The following REV1 variants were observed in gnomAD, a reference collection of about 807,000 sequenced individuals.
The protein encoded by REV1 is translesion synthesis protein REV1.
In REV1, 42 loss-of-function variants were observed where a neutral mutation model predicts 137.4. The observed-to-expected ratio is 0.31, with a 90% confidence interval of 0.24 to 0.40. The LOEUF is 0.40. REV1 is among the 10% of genes least tolerant of loss of function. The pLI is 1.00. For missense variants in REV1, 1,282 were observed against 1,490.1 expected, an observed-to-expected ratio of 0.86 and a Z score of 2.30; for synonymous variants, 524 against 519.2, an observed-to-expected ratio of 1.01 and a Z score of -0.12.
intron 9 of REV1, among the ~76,000 whole-genome samples, chr2:99,428,865 A>G (rs1276749213): frequency 2.0e-5 from 3 of 151,870 alleles, no homozygotes; most frequent in African/African-American, 4.8e-5. Context: ...GGTGGCGAGC[A>G]CCTGTAGTCC....
intron 7 of REV1, among the ~76,000 whole-genome samples, chr2:99,435,228 A>G (rs1051404064): frequency 4.6e-5 from 7 of 152,198 alleles, no homozygotes; most frequent in Admixed American, 1.3e-4. Flanking sequence ...TCCTTATTTA[A>G]GGGAAGAATT....
intron 8 of REV1, 44 bp from the exon 9 acceptor site, chr2:99,429,992 A>AT (rs981460433): frequency 8.4e-7 from 1 of 1,190,916 alleles, no homozygotes; most frequent in African/African-American, 1.6e-5. Flanking sequence ...TTATAAACTG[A>AT]TTTTCCCTCA....
intron 4 of REV1, among the ~76,000 whole-genome samples, chr2:99,448,747 A>AG (rs1682535303): frequency 1.3e-5 from 2 of 152,174 alleles, no homozygotes; most frequent in South Asian, 4.1e-4. Flanking sequence ...AACACTGCCT[A>AG]GTCTTTAAGA....
intron 2 of REV1, among the ~76,000 whole-genome samples, chr2:99,463,734 C>G (rs1258391167): frequency 6.6e-6 from 1 of 152,078 alleles, no homozygotes; most frequent in Non-Finnish European, 1.5e-5. Flanking sequence ...AAGCAATTCT[C>G]CTGCCTCAGT....
At chr2:99,473,303 G>A (rs905405209) in intron 1 of REV1, among the ~76,000 whole-genome samples, 5 of 151,066 alleles carry the variant, frequency 3.3e-5, no homozygotes, top group Non-Finnish European at 5.9e-5. Flanking sequence ...AGGAGGCAGA[G>A]GTTGCAGTGA....
In REV1 at chr2:99,429,966, A is replaced by T. The variant is rs761612908; in HGVS notation, c.1439-18T>A. ...TATATCTGCTTTAAAAATAAAAAAA[A>T]ATTAATGGTTATATGTTATAAACTG... On this transcript the variant is annotated intron_variant, in intron 8 of 22. Transcript: ENST00000258428. The T allele has an allele frequency of 2.7e-6, 4 of 1,463,810 alleles. No individual in the cohort carries two copies. The highest frequency in any genetic ancestry group is 3.7e-6 in the Non-Finnish European group (4 of 1,072,948). The allele number at this position is 1,463,810 out of a possible 1,614,324, so 90.7% of individuals were successfully genotyped here.
At chr2:99,425,853 A>G (rs1679268718) in intron 9 of REV1, among the ~76,000 whole-genome samples, 1 of 151,738 alleles carries the variant, frequency 6.6e-6, no homozygotes, top group Admixed American at 6.6e-5. Flanking sequence ...CCTGACCAGC[A>G]TGGAGAAACC....
At chr2:99,408,755 G>A (rs977249962) in intron 14 of REV1, among the ~76,000 whole-genome samples, 12 of 152,128 alleles carry the variant, frequency 7.9e-5, no homozygotes, top group African/African-American at 2.4e-4. Flanking sequence ...TGGCATGAGC[G>A]GGCTGTCCCA....
intron 4 of REV1, among the ~76,000 whole-genome samples, chr2:99,445,311 G>A (rs3792136): frequency 0.14 from 21,884 of 152,168 alleles, 1,741 homozygotes; most frequent in East Asian, 0.25. Flanking sequence ...AGTTTAGAAA[G>A]AAAAGATAAA....
rs1684346274 is a variant in REV1, at chr2:99,462,587, C to T, written c.90G>A (p.Glu30=). The T allele has an allele frequency of 6.2e-7, 1 of 1,613,096 alleles. No individual in the cohort carries two copies. ...GYMAAKVQKL[E]EQFRSDAAMQ... The stretch of plus-strand genomic sequence containing the variant: ...TAGCAGCATCTGATCGAAACTGTTC[C>T]TCCAATTTCTGGACCTTGGCAGCCA... Residue 30 remains glutamate (E), a synonymous_variant, in exon 3 of 23, where the codon GAG becomes GAA. Transcript: ENST00000258428.
At chr2:99,425,731 C>T (rs1679249260) in intron 9 of REV1, among the ~76,000 whole-genome samples, 1 of 152,178 alleles carries the variant, frequency 6.6e-6, no homozygotes, top group Non-Finnish European at 1.5e-5. Flanking sequence ...AAAGATAACA[C>T]ATTTTTTAAA....
At chr2:99,471,176 C>A (rs114393753) in intron 1 of REV1, among the ~76,000 whole-genome samples, 3 of 152,174 alleles carry the variant, frequency 2.0e-5, no homozygotes, top group African/African-American at 7.2e-5. Context: ...TATCTCTACT[C>A]AACACCTCTC....
intron 1 of REV1, among the ~76,000 whole-genome samples, chr2:99,468,253 C>T (rs1017800036): frequency 7.9e-5 from 12 of 151,928 alleles, no homozygotes; most frequent in Non-Finnish European, 1.6e-4. Flanking sequence ...CAGGGATCTT[C>T]GAAAAAGAGA....
In REV1 at chr2:99,462,834, T is replaced by G. The variant is rs1684377427; in HGVS notation, c.55-212A>C. The G allele has an allele frequency of 1.7e-5, 7 of 419,768 alleles. No individual in the cohort carries two copies. The East Asian group carries it at 3.2e-4, about 19-fold the overall frequency. The allele number at this position is 419,768 out of a possible 1,614,324, so 26.0% of individuals were successfully genotyped here. A position where few individuals can be genotyped will look rare whatever the true frequency, so the allele number is the denominator to read the frequency against. On this transcript the variant is annotated intron_variant, in intron 2 of 22. Transcript: ENST00000258428. ...CGGGCGCAGTGGCTCACACCTGTAA[T>G]CCCAGCACTTTGGGAAGCTGAGGCA...
chr2:99,421,108 G>T (rs1177980657), intron 11 of REV1, among the ~76,000 whole-genome samples: 1 of 152,096 alleles, frequency 6.6e-6, no homozygotes, highest in African/African-American at 2.4e-5. Context: ...ACTGAGTGAA[G>T]ACAGGAATAG....
intron 4 of REV1, among the ~76,000 whole-genome samples, chr2:99,443,205 A>G (rs1221815745): frequency 5.3e-5 from 8 of 152,242 alleles, no homozygotes; most frequent in Non-Finnish European, 8.8e-5. Context: ...AAAAATAACC[A>G]ATCAATATAC....
chr2:99,442,064 C>A (rs1372849664), intron 5 of REV1, among the ~76,000 whole-genome samples: 1 of 151,294 alleles, frequency 6.6e-6, no homozygotes, highest in Non-Finnish European at 1.5e-5. Flanking sequence ...CCAGCCTGGC[C>A]AAGATGGTGA....
intron 1 of REV1, among the ~76,000 whole-genome samples, chr2:99,471,515 CA>C (rs764068278): frequency 1.2e-4 from 18 of 152,122 alleles, no homozygotes; most frequent in Non-Finnish European, 2.5e-4. Flanking sequence ...CTGGATTTTG[CA>C]ATGACTTTTT....
chr2:99,435,990 T>C (rs1334508556), intron 6 of REV1, 49 bp from the exon 7 acceptor site: 1 of 1,016,458 alleles, frequency 9.8e-7, no homozygotes, highest in Admixed American at 1.8e-5. Context: ...TTTTACTATT[T>C]AAAACATCAG....
Sources: gnomAD v4.1 joint callset for allele counts (sites outside exome capture counted in the v4.1 genomes callset) on GRCh38, gnomAD v4.1.1 for gene constraint, MANE v1.5 for transcripts, NCBI Gene and HGNC (gene_info 2026-07-23, HGNC 2026-07-21) for gene names.